The following SMYD3 variants were observed in gnomAD, a reference collection of about 807,000 sequenced individuals.
The protein encoded by SMYD3 is histone-lysine N-methyltransferase SMYD3.
A neutral mutation model predicts 57.7 loss-of-function variants in SMYD3; 36 were observed. The observed-to-expected ratio is 0.62, with a 90% confidence interval of 0.48 to 0.82. The LOEUF (loss-of-function observed/expected upper bound fraction) is 0.82, where lower values mean the gene tolerates loss of function less well. Among genes scored for constraint, SMYD3 ranks in the 40% least tolerant of loss-of-function variants. The pLI is 0.00. For missense variants in SMYD3, 515 were observed against 538.8 expected, an observed-to-expected ratio of 0.96 and a Z score of 0.44; for synonymous variants, 211 against 195.0, an observed-to-expected ratio of 1.08 and a Z score of -0.68.
At chr1:245,819,109 C>A (rs949226557) in intron 10 of SMYD3, among the ~76,000 whole-genome samples, 4 of 141,870 alleles carry the variant, frequency 2.8e-5, no homozygotes, top group African/African-American at 8.1e-5. Flanking sequence ...CAGCACCACA[C>A]CACACCTATT....
intron 1 of SMYD3, among the ~76,000 whole-genome samples, chr1:246,476,074 T>G (rs2068027212): frequency 6.6e-6 from 1 of 152,212 alleles, no homozygotes. Context: ...TTCTTTCACT[T>G]TACCAACAAA....
chr1:246,315,256 T>TAA (rs2065138631), intron 5 of SMYD3, among the ~76,000 whole-genome samples: 1 of 152,052 alleles, frequency 6.6e-6, no homozygotes, highest in Admixed American at 6.5e-5. Context: ...AGTGGGAACC[T>TAA]AAGAAAAAAG....
intron 5 of SMYD3, among the ~76,000 whole-genome samples, chr1:245,949,454 AG>A (rs1315007329): frequency 3.3e-4 from 50 of 152,304 alleles, no homozygotes; most frequent in African/African-American, 1.1e-3. Flanking sequence ...CAGCCAAAAA[AG>A]AAAAAGAAAA....
chr1:246,472,000 A>T (rs2067967140), intron 1 of SMYD3, among the ~76,000 whole-genome samples: 1 of 152,228 alleles, frequency 6.6e-6, no homozygotes, highest in Non-Finnish European at 1.5e-5. Context: ...GAATAAGTCC[A>T]TTAAAAGCAT....
At chr1:246,151,602 T>C (rs2061942091) in intron 5 of SMYD3, among the ~76,000 whole-genome samples, 1 of 152,202 alleles carries the variant, frequency 6.6e-6, no homozygotes, top group Non-Finnish European at 1.5e-5. Flanking sequence ...ATCTACTCAA[T>C]AAATATTTGT....
intron 1 of SMYD3, among the ~76,000 whole-genome samples, chr1:246,408,015 T>C (rs920081918): frequency 1.3e-5 from 2 of 151,960 alleles, no homozygotes; most frequent in African/African-American, 4.8e-5. Context: ...TGTTGCTGTG[T>C]GTCCTCACTT....
chr1:246,172,509 A>G (rs1383436263), intron 5 of SMYD3, among the ~76,000 whole-genome samples: 1 of 132,744 alleles, frequency 7.5e-6, no homozygotes, highest in Non-Finnish European at 1.6e-5. Context: ...CAGGCCTAGA[A>G]CACTCACTGT....
At chr1:246,092,879 A>C (rs1020446014) in intron 5 of SMYD3, among the ~76,000 whole-genome samples, 1 of 152,136 alleles carries the variant, frequency 6.6e-6, no homozygotes, top group Non-Finnish European at 1.5e-5. Flanking sequence ...TAATGAGACT[A>C]TATAAGGAAC....
intron 5 of SMYD3, among the ~76,000 whole-genome samples, chr1:246,100,184 C>A (rs545599374): frequency 1.3e-5 from 2 of 152,190 alleles, no homozygotes; most frequent in East Asian, 3.9e-4. Context: ...GCACTCTAGC[C>A]TGGTGACAGA....
intron 5 of SMYD3, among the ~76,000 whole-genome samples, chr1:246,123,938 A>G (rs1346908210): frequency 6.6e-6 from 1 of 152,158 alleles, no homozygotes; most frequent in Admixed American, 6.5e-5. Context: ...AACGCCTCTT[A>G]CAAGTCATGT....
intron 5 of SMYD3, among the ~76,000 whole-genome samples, chr1:246,081,531 T>C (rs1203787564): frequency 6.6e-6 from 1 of 152,166 alleles, no homozygotes; most frequent in Non-Finnish European, 1.5e-5. Context: ...CAGCTGACAC[T>C]ACAGGCCTGC....
At chr1:245,791,435 C>T (rs1347868542) in intron 10 of SMYD3, among the ~76,000 whole-genome samples, 2 of 152,114 alleles carry the variant, frequency 1.3e-5, no homozygotes, top group African/African-American at 4.8e-5. Context: ...GCAGGAGTCT[C>T]AAACTCAGGG....
At chr1:245,910,432 G>C (rs1023001511) in intron 8 of SMYD3, among the ~76,000 whole-genome samples, 2 of 152,016 alleles carry the variant, frequency 1.3e-5, no homozygotes, top group Non-Finnish European at 2.9e-5. Context: ...CACATGAAAA[G>C]AAAAAGGCAA....
chr1:246,455,578 T>A (rs10924734), intron 1 of SMYD3, among the ~76,000 whole-genome samples: 1 of 152,110 alleles, frequency 6.6e-6, no homozygotes, highest in Admixed American at 6.5e-5. Flanking sequence ...AGCCAGATAC[T>A]ATAGAAAAGC....
intron 5 of SMYD3, among the ~76,000 whole-genome samples, chr1:245,948,850 C>T (rs2057515286): frequency 6.6e-6 from 1 of 152,204 alleles, no homozygotes; most frequent in South Asian, 2.1e-4. Context: ...AAAGCACACA[C>T]TCTTCAGGAC....
At chr1:245,880,445 T>C (rs187840782) in intron 8 of SMYD3, among the ~76,000 whole-genome samples, 1 of 152,318 alleles carries the variant, frequency 6.6e-6, no homozygotes, top group East Asian at 1.9e-4. Context: ...GTAGGAATCA[T>C]TTTCCTTATT....
chr1:245,826,286 T>G (rs1327553437), intron 10 of SMYD3, among the ~76,000 whole-genome samples: 1 of 152,060 alleles, frequency 6.6e-6, no homozygotes, highest in South Asian at 2.1e-4. Context: ...TGGAATCAAA[T>G]AGTGTTTATC....
chr1:246,084,210 T>TTTC (rs1315652207), intron 5 of SMYD3, among the ~76,000 whole-genome samples: 3 of 150,766 alleles, frequency 2.0e-5, no homozygotes, highest in Admixed American at 2.0e-4. Flanking sequence ...TTTTTTTTTT[T>TTTC]TTCTTTTTTC....
At chr1:245,863,931 G>C in intron 8 of SMYD3, 45 bp from the exon 9 acceptor site, 1 of 1,566,674 alleles carries the variant, frequency 6.4e-7, no homozygotes, top group South Asian at 1.1e-5. Flanking sequence ...ATTAGTAATA[G>C]GCAAAGGACG....
Sources: allele counts gnomAD v4.1 joint callset (sites outside exome capture counted in the v4.1 genomes callset), GRCh38; gene constraint gnomAD v4.1.1; transcripts MANE v1.5; gene names NCBI Gene and HGNC (gene_info 2026-07-23, HGNC 2026-07-21).